F8: variants seen among roughly 807,000 people sequenced by gnomAD.
F8 encodes the protein coagulation factor VIII.
In F8, 12 loss-of-function variants were observed where a neutral mutation model predicts 140.6. The ratio of observed to expected loss-of-function variants is 0.09; its 90% CI spans 0.05 to 0.14. F8 has a LOEUF of 0.14. F8 is among the 10% of genes least tolerant of loss of function. The pLI is 1.00. For synonymous variants in F8, 585 were observed against 614.6 expected (o/e 0.95, Z 0.71); for missense variants, 1,354 against 1,720.7 (o/e 0.79, Z 3.77).
In F8 at chrX:154,906,492, G is replaced by A. The variant is rs782763245; in HGVS notation, c.5301C>T (p.Tyr1767=). 1 of 1,209,535 alleles carries A rather than the reference G, an allele frequency of 8.3e-7. No homozygotes were observed. ...FTDGSFTQPL[Y]RGELNEHLGL... is the part of the protein sequence containing the mutation. ...CCAAATGTTCATTTAGTTCTCCACG[G>A]TATAAGGGCTGAGTAAAGGAGCCAT... Residue 1767 remains tyrosine (Y), a synonymous_variant, in exon 15 of 26, where the codon TAC becomes TAT. Transcript: ENST00000360256.
intron 14 of F8, among the ~76,000 whole-genome samples, chrX:154,915,601 A>C (rs1334942713): frequency 1.2e-4 from 13 of 111,760 alleles, no homozygotes; most frequent in African/African-American, 3.6e-4. Context: ...AAATGCTTTT[A>C]TGATTTCTCT....
intron 4 of F8, among the ~76,000 whole-genome samples, chrX:154,991,943 A>G (rs782333974): frequency 8.9e-6 from 1 of 111,790 alleles, no homozygotes; most frequent in East Asian, 2.8e-4. Flanking sequence ...ATTCTAACTA[A>G]TAGAATGTAG....
At chrX:154,950,157 T>C (rs1380067955) in intron 12 of F8, among the ~76,000 whole-genome samples, 1 of 112,035 alleles carries the variant, frequency 8.9e-6, no homozygotes, top group Non-Finnish European at 1.9e-5. Flanking sequence ...TTAAAGACCC[T>C]ATCTCCAAAT....
At chrX:154,874,970 G>A (rs2148573768) in intron 22 of F8, among the ~76,000 whole-genome samples, 1 of 111,923 alleles carries the variant, frequency 8.9e-6, no homozygotes, top group South Asian at 3.7e-4. Context: ...GATGGATGGA[G>A]GGATAAAGAC....
At chrX:154,935,982 A>ACT in intron 13 of F8, among the ~76,000 whole-genome samples, 1 of 11,825 alleles carries the variant, frequency 8.5e-5, no homozygotes, top group Non-Finnish European at 1.5e-4. Flanking sequence ...TGCCAAAGTA[A>ACT]CACACACACA....
intron 4 of F8, among the ~76,000 whole-genome samples, chrX:154,989,462 T>C (rs1357105461): frequency 1.8e-5 from 2 of 111,522 alleles, no homozygotes; most frequent in Non-Finnish European, 3.8e-5. Flanking sequence ...GCCATTCTGT[T>C]TTCCAGAATG....
At chrX:155,016,338 GT>G (rs1557287033) in intron 1 of F8, among the ~76,000 whole-genome samples, 1 of 112,062 alleles carries the variant, frequency 8.9e-6, no homozygotes, top group African/African-American at 3.2e-5. Flanking sequence ...TGCATTGCTG[GT>G]GGGAGTATAG....
At chrX:154,861,942 A>G in intron 23 of F8, 76 bp from the exon 24 acceptor site, 1 of 1,011,313 alleles carries the variant, frequency 9.9e-7, no homozygotes, top group Non-Finnish European at 1.4e-6. Flanking sequence ...TTCCACTGAT[A>G]TTCTAGGGCT....
intron 13 of F8, 90 bp from the exon 14 acceptor site, chrX:154,931,766 G>A: frequency 4.1e-6 from 3 of 736,830 alleles, no homozygotes; most frequent in Admixed American, 5.2e-5. Flanking sequence ...CCAGATAAAT[G>A]AAAAAATACT....
chrX:154,977,171 C>T (rs890302341), intron 6 of F8, among the ~76,000 whole-genome samples: 2 of 111,742 alleles, frequency 1.8e-5, no homozygotes, highest in African/African-American at 3.2e-5. Flanking sequence ...TTTAAAAAAT[C>T]GACTCCCAAA....
Position 154,928,914 on chromosome X carries a change from T to G in F8, c.4876A>C (p.Asn1626His), listed in dbSNP as rs1427036905. 8.3e-7 allele frequency: 1 copy of G among 1,210,095 alleles called. No individual in the cohort carries two copies. Among genetic ancestry groups the G allele is most frequent in the Non-Finnish European group, 1.1e-6 (1 of 895,177 alleles). Residue 1626 changes from asparagine (N) to histidine (H), a missense_variant, in exon 14 of 26, where the codon AAT becomes CAT. This residue lies in a region of F8 where 658 missense variants were observed against 666.5 expected (regional missense o/e 0.99). Transcript: ENST00000360256. The part of the protein sequence containing the change: ...TILSLNACES[N>H]HAIAAINEGQ... ...TCATTTATTGCTGCTATTGCATGAT[T>G]GCTTTCACAAGCGTTCAGGGACAAA...
chrX:155,008,541 C>T (rs922131244), intron 1 of F8, among the ~76,000 whole-genome samples: 1 of 111,940 alleles, frequency 8.9e-6, no homozygotes, highest in Admixed American at 9.3e-5. Flanking sequence ...CCCACGACGA[C>T]CTGGAGCTGA....
At position 154,929,780 on chromosome X, in the gene F8, A is replaced by G. The variant is rs781936590; in HGVS notation, c.4010T>C (p.Phe1337Ser). 3.3e-6 allele frequency: 4 copies of G among 1,211,303 alleles called. No individual in the cohort carries two copies. The highest frequency in any genetic ancestry group is 4.5e-6 in the Non-Finnish European group (4 of 895,250). Residue 1337 changes from phenylalanine (F) to serine (S), a missense_variant, in exon 14 of 26, where the codon TTC (phenylalanine) becomes TCC (serine). Transcript: ENST00000360256. The stretch of plus-strand genomic sequence containing the variant: ...TTCTGTTTCTTCTAGTGGGAGTCTG[A>G]ATTGTTTCAAAGCTCTCTTACTACG... Reference protein sequence around the residue: ...TQRSKRALKQFRLPLEETELE... With the variant: ...TQRSKRALKQSRLPLEETELE...
At chrX:154,881,971 A>G (rs1412821060) in intron 22 of F8, 1 of 286,485 alleles carries the variant, frequency 3.5e-6, no homozygotes, top group Non-Finnish European at 6.0e-6. Context: ...AAAGAAAAAA[A>G]AAAAAAACTG....
chrX:154,969,320 C>T lies in F8; in HGVS notation c.1009+11G>A. 1 of 1,186,344 alleles carries T rather than the reference C, an allele frequency of 8.4e-7. No homozygotes were observed. ...ATTTATAATATTCATTTTAAAGATC[C>T]AAGATATTACCATGTTGGTGGGAAG... On this transcript the variant is annotated intron_variant, in intron 7 of 25. Transcript: ENST00000360256.
intron 1 of F8, among the ~76,000 whole-genome samples, chrX:155,002,646 C>T (rs1249085851): frequency 1.8e-5 from 2 of 110,425 alleles, no homozygotes; most frequent in African/African-American, 6.6e-5. Flanking sequence ...CACACACACA[C>T]GGATCTGTTT....
Position 154,903,937 on chromosome X carries a change from C to T in F8, c.5967G>A (p.Glu1989=), listed in dbSNP as rs782655750. The T allele has an allele frequency of 6.6e-6, 8 of 1,208,638 alleles. No individual in the cohort carries two copies. In the Admixed American group the frequency reaches 1.1e-4, roughly 17 times the overall value. ...GHVFTVRKKE[E]YKMALYNLYP... The stretch of plus-strand genomic sequence containing the variant: ...AGAGATTGTACAGTGCCATTTTATA[C>T]TCCTCTTTTTTTCGTACAGTGAACA... The change falls in exon 18 of 26, where the codon GAG becomes GAA. Residue 1989 remains glutamate (E), a synonymous_variant. Transcript: ENST00000360256.
intron 6 of F8, among the ~76,000 whole-genome samples, chrX:154,983,007 A>C (rs2073537806): frequency 8.9e-6 from 1 of 112,393 alleles, no homozygotes; most frequent in African/African-American, 3.2e-5. Context: ...ATTTGGAGGG[A>C]GTCAAAAGTT....
chrX:154,842,708 CTACTT>C (rs2072530760), intron 25 of F8, among the ~76,000 whole-genome samples: 1 of 112,074 alleles, frequency 8.9e-6, no homozygotes, highest in African/African-American at 3.2e-5. Context: ...AAATTTGAGA[CTACTT>C]TATTTGTAGC....
Sources: allele counts gnomAD v4.1 joint callset (sites outside exome capture counted in the v4.1 genomes callset), GRCh38; gene constraint gnomAD v4.1.1; regional missense constraint gnomAD v4.1.1; transcripts MANE v1.5; gene names NCBI Gene and HGNC (gene_info 2026-07-23, HGNC 2026-07-21).